Variants in PCCA observed in about 807,000 individuals in gnomAD.
PCCA encodes the protein propionyl-CoA carboxylase alpha chain, mitochondrial.
In PCCA, 74 loss-of-function variants were observed where a neutral mutation model predicts 101.3. The observed-to-expected ratio is 0.73, with a 90% CI of 0.61 to 0.89. PCCA has a LOEUF of 0.89. Among genes scored for constraint, PCCA ranks in the 40% least tolerant of loss-of-function variants. PCCA has a pLI of 0.00. For synonymous variants in PCCA, 294 were observed against 313.6 expected (o/e 0.94, Z 0.66); for missense variants, 891 against 907.0 (o/e 0.98, Z 0.23).
intron 18 of PCCA, among the ~76,000 whole-genome samples, chr13:100,368,005 TA>T (rs2075320141): frequency 6.6e-6 from 1 of 152,054 alleles, no homozygotes; most frequent in African/African-American, 2.4e-5. Flanking sequence ...GCTAATGTAC[TA>T]AGATATTTCT....
At chr13:100,392,153 C>A (rs566586615) in intron 19 of PCCA, among the ~76,000 whole-genome samples, 4 of 152,152 alleles carry the variant, frequency 2.6e-5, no homozygotes, top group Admixed American at 2.6e-4. Context: ...TGTCACACTT[C>A]TTGTACTTCT....
chr13:100,175,010 G>C (rs1328630939), intron 6 of PCCA, among the ~76,000 whole-genome samples: 1 of 152,008 alleles, frequency 6.6e-6, no homozygotes, highest in Admixed American at 6.6e-5. Flanking sequence ...TTTTTCCACT[G>C]TAAGTTGCAG....
chr13:100,450,688 ATG>A (rs1163058532), intron 21 of PCCA, among the ~76,000 whole-genome samples: 6 of 152,188 alleles, frequency 3.9e-5, no homozygotes, highest in Admixed American at 3.3e-4. Context: ...TGTTAATAAA[ATG>A]TGTGTTTACT....
At chr13:100,356,091 C>T (rs968654007) in intron 18 of PCCA, among the ~76,000 whole-genome samples, 1 of 152,136 alleles carries the variant, frequency 6.6e-6, no homozygotes, top group African/African-American at 2.4e-5. Context: ...TGGTCTCCTT[C>T]CTCACACCAT....
In PCCA at chr13:100,306,252, C is replaced by T. The variant is rs1346321103; in HGVS notation, c.1285-940C>T. Reference sequence around the variant, plus strand: ...GTGGAAGGCTACGTGAGCTTCCGCTCTTCTCTTCCCACCCCTTTACAATGT... The same window carrying T: ...GTGGAAGGCTACGTGAGCTTCCGCTTTTCTCTTCCCACCCCTTTACAATGT... On this transcript the variant is annotated intron_variant, in intron 14 of 23. Transcript: ENST00000376285. Among the ~76,000 whole-genome samples the T allele has an allele frequency of 6.6e-5, 10 of 152,232 alleles. No individual in the cohort carries two copies. In the East Asian group the frequency reaches 1.9e-3, roughly 29 times the overall value.
At chr13:100,117,812 GAC>G (rs2048946166) in intron 4 of PCCA, among the ~76,000 whole-genome samples, 1 of 151,584 alleles carries the variant, frequency 6.6e-6, no homozygotes, top group Non-Finnish European at 1.5e-5. Flanking sequence ...GAATCCCCTG[GAC>G]AGGAAAAAGA....
At chr13:100,380,966 C>T (rs1490065109) in intron 19 of PCCA, among the ~76,000 whole-genome samples, 2 of 152,134 alleles carry the variant, frequency 1.3e-5, no homozygotes, top group East Asian at 1.9e-4. Flanking sequence ...ATGCAATTGC[C>T]GGTAAGCACA....
At chr13:100,134,127 C>G (rs1391457735) in intron 4 of PCCA, among the ~76,000 whole-genome samples, 1 of 152,124 alleles carries the variant, frequency 6.6e-6, no homozygotes, top group Admixed American at 6.5e-5. Context: ...TTAATAAACT[C>G]CCCTTCATAT....
At chr13:100,358,376 A>T (rs1319260158) in intron 18 of PCCA, among the ~76,000 whole-genome samples, 1 of 152,238 alleles carries the variant, frequency 6.6e-6, no homozygotes, top group Non-Finnish European at 1.5e-5. Context: ...AAAAGCAGTC[A>T]ACAGAAATCA....
At chr13:100,466,925 A>G (rs986847233) in intron 21 of PCCA, among the ~76,000 whole-genome samples, 21 of 151,830 alleles carry the variant, frequency 1.4e-4, no homozygotes, top group African/African-American at 5.1e-4. Flanking sequence ...AGATTGTACC[A>G]CTCCTTTCCT....
intron 19 of PCCA, among the ~76,000 whole-genome samples, chr13:100,370,497 A>G (rs989357344): frequency 3.9e-5 from 6 of 152,186 alleles, no homozygotes; most frequent in African/African-American, 1.4e-4. Context: ...GCTTATGAGG[A>G]AAACAGGGCT....
intron 8 of PCCA, among the ~76,000 whole-genome samples, chr13:100,241,150 G>A (rs376778424): frequency 2.0e-5 from 3 of 152,150 alleles, no homozygotes; most frequent in African/African-American, 4.8e-5. Flanking sequence ...GTGATTTTTT[G>A]TGTATTTACA....
chr13:100,464,379 G>A (rs956705185), intron 21 of PCCA: 6 of 152,202 alleles, frequency 3.9e-5, no homozygotes, highest in African/African-American at 1.4e-4. Flanking sequence ...CTTTTATGGA[G>A]ATGGCAAGGG....
rs535715544 is a variant in PCCA, at chr13:100,355,323, T to C, written c.1644-13149T>C. ...AACTTCCTCAGACTGATGAGGAGCA[T>C]GTGTAATAAACCCACACCTGAAAAT... On this transcript the variant is annotated intron_variant, in intron 18 of 23. Coordinates refer to ENST00000376285, the MANE Select transcript of PCCA (RefSeq NM_000282.4). Among the ~76,000 whole-genome samples, 8 of 152,234 alleles carry C rather than the reference T, an allele frequency of 5.3e-5. No individual in the cohort carries two copies. In the Middle Eastern group the frequency reaches 0.02, roughly 388 times the overall value.
At chr13:100,286,955 T>A (rs2064726014) in intron 12 of PCCA, among the ~76,000 whole-genome samples, 1 of 152,190 alleles carries the variant, frequency 6.6e-6, no homozygotes, top group African/African-American at 2.4e-5. Flanking sequence ...AGGCTTTCTG[T>A]GCTCTATGAG....
chr13:100,283,064 G>C (rs1034347991), intron 12 of PCCA, among the ~76,000 whole-genome samples: 1 of 151,970 alleles, frequency 6.6e-6, no homozygotes. Context: ...GATCAAGGCA[G>C]ACCTGGGGAA....
At chr13:100,496,487 C>T (rs894918582) in intron 21 of PCCA, among the ~76,000 whole-genome samples, 2 of 151,888 alleles carry the variant, frequency 1.3e-5, no homozygotes, top group African/African-American at 4.8e-5. Flanking sequence ...TCATTTTTGG[C>T]AGGAACGTAA....
intron 2 of PCCA, among the ~76,000 whole-genome samples, chr13:100,108,838 C>A (rs182253144): frequency 1.3e-5 from 2 of 152,308 alleles, no homozygotes; most frequent in African/African-American, 4.8e-5. Flanking sequence ...GCCTTTTGGG[C>A]AGGGACTTGG....
intron 4 of PCCA, among the ~76,000 whole-genome samples, chr13:100,153,582 A>G (rs1476511803): frequency 6.6e-6 from 1 of 152,194 alleles, no homozygotes; most frequent in Non-Finnish European, 1.5e-5. Flanking sequence ...AATTGACAGT[A>G]ACAGGATCTG....
Sources: allele counts gnomAD v4.1 joint callset (sites outside exome capture counted in the v4.1 genomes callset), GRCh38; gene constraint gnomAD v4.1.1; transcripts MANE v1.5; gene names NCBI Gene and HGNC (gene_info 2026-07-23, HGNC 2026-07-21).